TTC31: variants seen among roughly 807,000 people sequenced by gnomAD.
The protein encoded by TTC31 is tetratricopeptide repeat protein 31.
In TTC31, 59 loss-of-function variants were observed where a neutral mutation model predicts 60.4. The ratio of observed to expected loss-of-function variants is 0.98; its 90% CI spans 0.79 to 1.21. The LOEUF (loss-of-function observed/expected upper bound fraction) is 1.21. Ranked by LOEUF, TTC31 falls within the 50% of genes most tolerant of loss-of-function variation. TTC31 has a pLI of 0.00. For missense variants in TTC31, 672 were observed against 646.9 expected, an observed-to-expected ratio of 1.04 and a Z score of -0.42; for synonymous variants, 225 against 249.6, an observed-to-expected ratio of 0.90 and a Z score of 0.93.
intron 2 of TTC31, among the ~76,000 whole-genome samples, chr2:74,486,267 A>G (rs892128042): frequency 6.6e-6 from 1 of 151,892 alleles, no homozygotes; most frequent in African/African-American, 2.4e-5. Flanking sequence ...TCCGTCTCAA[A>G]AAAAAAAAAA....
chr2:74,485,813 A>C (rs1385192536), intron 2 of TTC31, among the ~76,000 whole-genome samples: 1 of 151,602 alleles, frequency 6.6e-6, no homozygotes, highest in African/African-American at 2.4e-5. Context: ...CATGTTGGTC[A>C]TGCTGATCTC....
Position 74,490,133 on chromosome 2 carries a change from G to A in TTC31, c.232+6G>A. 1.2e-6 allele frequency: 2 copies of A among 1,602,518 alleles called. No homozygotes were observed. Among genetic ancestry groups the A allele is most frequent in the Admixed American group, 1.7e-5 (1 of 57,386 alleles). On this transcript the variant is annotated splice_donor_region_variant and intron_variant, in intron 3 of 12. Transcript: ENST00000233623. Reference sequence around the variant, plus strand: ...GCTGCAGCTGTGGCACCATGGTGGGGAGTGCAGGGACCGGGCCCAGGGATC... The same window carrying A: ...GCTGCAGCTGTGGCACCATGGTGGGAAGTGCAGGGACCGGGCCCAGGGATC...
intron 2 of TTC31, among the ~76,000 whole-genome samples, chr2:74,485,643 TG>T: frequency 6.6e-6 from 1 of 151,606 alleles, no homozygotes; most frequent in Non-Finnish European, 1.5e-5. Flanking sequence ...GCTAATTTTT[TG>T]TATTTTTAGT....
At chr2:74,492,895 C>G in intron 12 of TTC31, 27 bp from the exon 13 acceptor site, 1 of 1,586,568 alleles carries the variant, frequency 6.3e-7, no homozygotes, top group Non-Finnish European at 8.6e-7. Context: ...AAAGAAGGAT[C>G]TGGTGCCCTT....
chr2:74,492,113 A>C, intron 9 of TTC31, 26 bp from the exon 10 acceptor site: 1 of 1,614,014 alleles, frequency 6.2e-7, no homozygotes, highest in Non-Finnish European at 8.5e-7. Context: ...CCCCATCTGA[A>C]CCTTCTCACC....
rs1673667494 is a variant in TTC31, at chr2:74,490,164, T to C, written c.232+37T>C. The C allele has an allele frequency of 1.9e-6, 3 of 1,611,182 alleles. No homozygotes were observed. The East Asian group carries it at 6.7e-5, about 36-fold the overall frequency. On this transcript the variant is annotated intron_variant, in intron 3 of 12. Coordinates refer to ENST00000233623, the MANE Select transcript of TTC31 (RefSeq NM_022492.6). Reference sequence around the variant, plus strand: ...AGGGACCGGGCCCAGGGATCGAGGCTGGTACCCTGGGAGGGCTGACCCTCA... The same window carrying C: ...AGGGACCGGGCCCAGGGATCGAGGCCGGTACCCTGGGAGGGCTGACCCTCA...
At chr2:74,490,881 T>G in intron 5 of TTC31, 142 bp downstream of exon 5, 1 of 967,314 alleles carries the variant, frequency 1.0e-6, no homozygotes, top group Non-Finnish European at 1.5e-6. Context: ...GCCCAGGGAC[T>G]GGGGGGTCTC....
intron 5 of TTC31, 176 bp downstream of exon 5, chr2:74,490,915 T>C: frequency 1.1e-6 from 1 of 885,338 alleles, no homozygotes; most frequent in Non-Finnish European, 1.7e-6. Context: ...GGTGCAGTGG[T>C]TCTGGAATCC....
intron 2 of TTC31, among the ~76,000 whole-genome samples, chr2:74,487,365 C>G (rs570883841): frequency 6.6e-6 from 1 of 151,958 alleles, no homozygotes; most frequent in Non-Finnish European, 1.5e-5. Flanking sequence ...ATTACAGATG[C>G]GTGCCACCAC....
At position 74,490,589 on chromosome 2, in the gene TTC31, C is replaced by G. The variant is rs188282931; in HGVS notation, c.463-67C>G. 541 of 1,567,042 alleles carry G rather than the reference C, an allele frequency of 3.5e-4. 2 individuals carry two copies. In the African/African-American group the frequency reaches 6.2e-3, roughly 18 times the overall value. The stretch of plus-strand genomic sequence containing the variant: ...TCAAGATCCTTCTATACTGCCTGCC[C>G]CCTTTCATGTTTGCTCTCCATTTCC... On this transcript the variant is annotated intron_variant, in intron 4 of 12. Coordinates refer to ENST00000233623, the MANE Select transcript of TTC31 (RefSeq NM_022492.6).
intron 1 of TTC31, 88 bp from the exon 2 acceptor site, chr2:74,483,234 G>T: frequency 6.2e-7 from 1 of 1,613,210 alleles, no homozygotes; most frequent in South Asian, 1.1e-5. Flanking sequence ...ATTTTATGCA[G>T]AGGGCGGAGA....
rs368015763 is a variant in TTC31, at chr2:74,490,666, G to T, written c.473G>T (p.Arg158Leu). 1.2e-6 allele frequency: 2 copies of T among 1,613,766 alleles called. No individual in the cohort carries two copies. The highest frequency in any genetic ancestry group is 4.5e-5 in the East Asian group (2 of 44,880). ...KLLVTEEEANRLAEELVAEEE... is the reference protein window; with the variant it reads ...KLLVTEEEANLLAEELVAEEE... ...CCCTTCGTCCTTCAGGAAGCCAATC[G>T]CCTGGCTGAGGAGCTGGTGGCTGAG... Residue 158 changes from arginine to leucine, a missense_variant, in exon 5 of 13, where the codon CGC becomes CTC. Transcript: ENST00000233623.
intron 2 of TTC31, among the ~76,000 whole-genome samples, chr2:74,485,087 C>T (rs1286625747): frequency 1.1e-4 from 15 of 141,814 alleles, no homozygotes; most frequent in Non-Finnish European, 7.6e-5. Context: ...AGTGCAGTGG[C>T]GCCATCTCTA....
In TTC31 at chr2:74,491,556, A is replaced by G. The variant is rs766565756; in HGVS notation, c.760A>G (p.Arg254Gly). 1 of 1,613,726 alleles carries G rather than the reference A, an allele frequency of 6.2e-7. No individual in the cohort carries two copies. Among genetic ancestry groups the G allele is most frequent in the Non-Finnish European group, 8.5e-7 (1 of 1,180,004 alleles). Residue 254 changes from arginine to glycine, a missense_variant, in exon 8 of 13, where the codon AGA becomes GGA. Physicochemically the swap from Arg to Gly is moderately radical, Grantham distance 125. Coordinates refer to ENST00000233623, the MANE Select transcript of TTC31 (RefSeq NM_022492.6). ...KVGDWPLSAR[R>G]EKGLNQEPQG... ...TGGGGATTGGCCCCTCAGTGCCCGCAGAGAGAAGGGACTGAACCAGGAGCC... is the reference window on the plus strand; with the variant it reads ...TGGGGATTGGCCCCTCAGTGCCCGCGGAGAGAAGGGACTGAACCAGGAGCC...
At chr2:74,488,264 T>C (rs1673376185) in intron 2 of TTC31, among the ~76,000 whole-genome samples, 2 of 152,248 alleles carry the variant, frequency 1.3e-5, no homozygotes, top group African/African-American at 4.8e-5. Context: ...GACTATCTTC[T>C]GAGGGAAGCC....
chr2:74,488,292 T>G (rs1673377637), intron 2 of TTC31, among the ~76,000 whole-genome samples: 1 of 152,198 alleles, frequency 6.6e-6, no homozygotes, highest in African/African-American at 2.4e-5. Context: ...TAAAATTGTT[T>G]AGAAAATTGA....
In TTC31 at chr2:74,493,461, C is replaced by T; in HGVS notation, c.*243C>T. ...GGCAGTAAGGAAAAATAAAACCCAC[C>T]AAGGCTCAAGAAGGGAACTATAGAA... On this transcript the variant is annotated 3_prime_UTR_variant, in exon 13 of 13. Transcript: ENST00000233623. The T allele has an allele frequency of 2.0e-6, 1 of 509,430 alleles. No individual in the cohort carries two copies. Among genetic ancestry groups the T allele is most frequent in the Non-Finnish European group, 3.5e-6 (1 of 289,286 alleles). 31.6% of individuals were successfully genotyped at this position (509,430 alleles called of 1,614,324 possible).
At chr2:74,491,419 T>A in intron 7 of TTC31, 44 bp downstream of exon 7, 4 of 1,613,968 alleles carry the variant, frequency 2.5e-6, no homozygotes, top group Non-Finnish European at 3.4e-6. Flanking sequence ...CTCATTTTCC[T>A]CCTCCTCCTC....
Position 74,491,489 on chromosome 2 carries a change from G to A in TTC31, c.693G>A (p.Leu231=). 6.2e-7 allele frequency: 1 copy of A among 1,610,490 alleles called. No individual in the cohort carries two copies. The highest frequency in any genetic ancestry group is 1.4e-5 in the African/African-American group (1 of 74,044). The change falls in exon 8 of 13, where the codon CTG becomes CTA. Residue 231 remains leucine, a synonymous_variant. Transcript: ENST00000233623. ...TTCCATTTTGTTCACAGGACTCACT[G>A]GATCTATCTAGCACTTTTGTGTCTC... The part of the protein sequence containing the change: ...QGQCGEEEDS[L]DLSSTFVSLA...
Sources: gnomAD v4.1 joint callset for allele counts (sites outside exome capture counted in the v4.1 genomes callset) on GRCh38, gnomAD v4.1.1 for gene constraint, MANE v1.5 for transcripts, NCBI Gene and HGNC (gene_info 2026-07-23, HGNC 2026-07-21) for gene names.